The following NLGN1 variants were observed in gnomAD, a reference collection of about 807,000 sequenced individuals.
NLGN1 encodes the protein neuroligin-1.
A neutral mutation model predicts 65.5 loss-of-function variants in NLGN1; 12 were observed. The observed-to-expected ratio is 0.18, with a 90% CI of 0.12 to 0.30. NLGN1 has a LOEUF of 0.30. Ranked by LOEUF, NLGN1 falls within the 10% of genes least tolerant of loss-of-function variation. The pLI, the probability that NLGN1 is intolerant of heterozygous loss-of-function variation, is 1.00. For missense variants in NLGN1, 750 were observed against 1,007.1 expected (o/e 0.74, Z 3.46); for synonymous variants, 350 against 359.5 (o/e 0.97, Z 0.30).
chr3:173,923,174 A>G (rs553200509), intron 4 of NLGN1, among the ~76,000 whole-genome samples: 9 of 152,212 alleles, frequency 5.9e-5, no homozygotes, highest in Non-Finnish European at 1.3e-4. Context: ...TGAAGAGGAA[A>G]TAGGAAGCTA....
At chr3:173,577,476 G>A (rs1309055043) in intron 2 of NLGN1, among the ~76,000 whole-genome samples, 2 of 151,982 alleles carry the variant, frequency 1.3e-5, no homozygotes, top group Non-Finnish European at 2.9e-5. Flanking sequence ...ATAAATAAAG[G>A]GTCAAAATTT....
At chr3:173,942,036 A>C (rs1428025085) in intron 4 of NLGN1, among the ~76,000 whole-genome samples, 1 of 149,178 alleles carries the variant, frequency 6.7e-6, no homozygotes, top group Non-Finnish European at 1.5e-5. Context: ...CTCCCTTCTT[A>C]TTTACTGCTA....
At chr3:173,873,242 C>A (rs1452008544) in intron 4 of NLGN1, among the ~76,000 whole-genome samples, 1 of 151,966 alleles carries the variant, frequency 6.6e-6, no homozygotes, top group African/African-American at 2.4e-5. Flanking sequence ...GTGCATGCCA[C>A]CACATTGGGC....
chr3:173,872,382 T>C lies in NLGN1; in HGVS notation c.646+64550T>C, dbSNP rs529565818. 2.0e-5 allele frequency among the ~76,000 whole-genome samples: 3 copies of C among 152,348 alleles called. No homozygotes were observed. In the South Asian group the frequency reaches 6.2e-4, roughly 32 times the overall value. ...TGAACTAAAATGGGTCAAAGAAATA[T>C]GGAATGGCAAATAGCTTCTTGGCCA... On this transcript the variant is annotated intron_variant, in intron 4 of 6. Coordinates refer to ENST00000457714, the Ensembl canonical transcript of NLGN1.
intron 3 of NLGN1, among the ~76,000 whole-genome samples, chr3:173,626,262 T>A (rs193015060): frequency 6.6e-6 from 1 of 152,084 alleles, no homozygotes; most frequent in Non-Finnish European, 1.5e-5. Flanking sequence ...GCAGTGCAGC[T>A]GGAAATGAAT....
chr3:173,988,918 A>G (rs1720514665), intron 4 of NLGN1, among the ~76,000 whole-genome samples: 1 of 151,870 alleles, frequency 6.6e-6, no homozygotes, highest in Non-Finnish European at 1.5e-5. Flanking sequence ...TCCCCTCTCA[A>G]CCTTGTTCTC....
intron 2 of NLGN1, among the ~76,000 whole-genome samples, chr3:173,475,904 C>G (rs1020397094): frequency 8.5e-5 from 13 of 152,154 alleles, no homozygotes; most frequent in Admixed American, 8.5e-4. Flanking sequence ...TATTTATTAA[C>G]TAAACAAGCA....
chr3:173,530,591 CTTAA>C (rs1453477112), intron 2 of NLGN1, among the ~76,000 whole-genome samples: 1 of 152,124 alleles, frequency 6.6e-6, no homozygotes, highest in Non-Finnish European at 1.5e-5. Context: ...ATCATATTTA[CTTAA>C]TTTAGTACTT....
intron 3 of NLGN1, among the ~76,000 whole-genome samples, chr3:173,730,420 T>A (rs1001195937): frequency 6.7e-6 from 1 of 148,780 alleles, no homozygotes; most frequent in Non-Finnish European, 1.5e-5. Flanking sequence ...AAGAAATAGG[T>A]AAAATAGGTA....
At chr3:174,231,786 G>A (rs777196610) in intron 4 of NLGN1, among the ~76,000 whole-genome samples, 4 of 152,102 alleles carry the variant, frequency 2.6e-5, no homozygotes, top group African/African-American at 7.2e-5. Flanking sequence ...GTGTTGACAC[G>A]CTTTCAAAAT....
intron 4 of NLGN1, among the ~76,000 whole-genome samples, chr3:174,022,838 G>A (rs1424773704): frequency 6.6e-6 from 1 of 152,074 alleles, no homozygotes; most frequent in African/African-American, 2.4e-5. Flanking sequence ...AGGACCAAAA[G>A]GGGACACAAA....
intron 4 of NLGN1, among the ~76,000 whole-genome samples, chr3:174,045,753 C>T (rs1186204861): frequency 6.6e-6 from 1 of 152,104 alleles, no homozygotes; most frequent in Non-Finnish European, 1.5e-5. Context: ...TGTTTTTATT[C>T]TTTACTCTAT....
At chr3:174,224,790 C>G (rs1452805036) in intron 4 of NLGN1, among the ~76,000 whole-genome samples, 1 of 152,134 alleles carries the variant, frequency 6.6e-6, no homozygotes, top group Non-Finnish European at 1.5e-5. Flanking sequence ...TTTTTTTGCA[C>G]TAGGCTTTCA....
At chr3:173,549,090 G>A (rs546956334) in intron 2 of NLGN1, among the ~76,000 whole-genome samples, 6 of 151,704 alleles carry the variant, frequency 4.0e-5, no homozygotes, top group Non-Finnish European at 5.9e-5. Flanking sequence ...ACATGTTTAC[G>A]CATTGGTTTT....
chr3:173,775,091 A>T (rs190931431), intron 3 of NLGN1, among the ~76,000 whole-genome samples: 1 of 152,250 alleles, frequency 6.6e-6, no homozygotes, highest in East Asian at 1.9e-4. Context: ...TTAAATTTCT[A>T]GTTTCTTTCT....
At chr3:173,428,697 G>A (rs1716610942) in intron 1 of NLGN1, among the ~76,000 whole-genome samples, 1 of 151,900 alleles carries the variant, frequency 6.6e-6, no homozygotes, top group Non-Finnish European at 1.5e-5. Context: ...CACAAGTTTA[G>A]AGTATTCTGC....
chr3:173,989,749 A>G (rs1720710394), intron 4 of NLGN1, among the ~76,000 whole-genome samples: 1 of 151,822 alleles, frequency 6.6e-6, no homozygotes, highest in Admixed American at 6.6e-5. Flanking sequence ...TTCTCCTCCC[A>G]CCCTTCCTTT....
intron 3 of NLGN1, among the ~76,000 whole-genome samples, chr3:173,778,286 A>T (rs773440660): frequency 1.3e-5 from 2 of 151,924 alleles, no homozygotes; most frequent in African/African-American, 4.8e-5. Flanking sequence ...TGAAATTTAT[A>T]AATTAACCAA....
At chr3:173,768,979 A>G (rs1779180745) in intron 3 of NLGN1, among the ~76,000 whole-genome samples, 1 of 152,072 alleles carries the variant, frequency 6.6e-6, no homozygotes, top group African/African-American at 2.4e-5. Flanking sequence ...CATGTTGCCC[A>G]GGCTGGTGTT....
Sources: gnomAD v4.1 joint callset for allele counts (sites outside exome capture counted in the v4.1 genomes callset) on GRCh38, gnomAD v4.1.1 for gene constraint, MANE v1.5 for transcripts, NCBI Gene and HGNC (gene_info 2026-07-23, HGNC 2026-07-21) for gene names.